Variants in TGM7 observed in about 807,000 individuals in gnomAD.
The protein encoded by TGM7 is transglutaminase 7, also known as protein-glutamine gamma-glutamyltransferase Z.
Under a neutral mutation model 79.5 loss-of-function variants are expected in TGM7, and 74 were observed. The ratio of observed to expected loss-of-function variants is 0.93; its 90% CI spans 0.77 to 1.13. The LOEUF is 1.13. Among genes scored for constraint, TGM7 ranks in the 50% most tolerant of loss-of-function variants. TGM7 has a pLI of 0.00. For synonymous variants in TGM7, 354 were observed against 362.5 expected, an observed-to-expected ratio of 0.98 and a Z score of 0.27; for missense variants, 912 against 905.9, an observed-to-expected ratio of 1.01 and a Z score of -0.09.
chr15:43,290,531 T>C (rs960025185), intron 4 of TGM7, among the ~76,000 whole-genome samples: 1 of 152,216 alleles, frequency 6.6e-6, no homozygotes, highest in Non-Finnish European at 1.5e-5. Context: ...TGGCTTAGGA[T>C]TGACTTGGCA....
At chr15:43,288,201 C>A (rs1057416091) in intron 4 of TGM7, among the ~76,000 whole-genome samples, 3 of 152,210 alleles carry the variant, frequency 2.0e-5, no homozygotes, top group Non-Finnish European at 4.4e-5. Flanking sequence ...AGGGTGGGCT[C>A]ATAATAGACG....
chr15:43,300,980 T>C (rs1339495916), intron 1 of TGM7, among the ~76,000 whole-genome samples: 4 of 152,108 alleles, frequency 2.6e-5, no homozygotes, highest in Non-Finnish European at 5.9e-5. Context: ...TATATCTCTA[T>C]TTTTATTTTG....
chr15:43,292,097 T>A lies in TGM7; in HGVS notation c.440A>T (p.Glu147Val), dbSNP rs181416302. 3.9e-5 allele frequency: 63 copies of A among 1,612,498 alleles called. 1 individual carries two copies. The Middle Eastern group carries it at 8.3e-4, about 21-fold the overall frequency. The change falls in exon 4 of 13, where the codon GAG becomes GTG. Residue 147 changes from glutamate to valine, a missense_variant and splice_region_variant. By Grantham distance (121) the Glu-to-Val change is moderately radical. Transcript: ENST00000452443. ...TTCACTTGGCAGGTAGACGTCGTCC[T>A]CTGAGCAGTTAAGAGTAGTGGAGGG... Reference protein sequence around the residue: ...FILLFNPWSPEDDVYLPSEIL... With the variant: ...FILLFNPWSPVDDVYLPSEIL...
chr15:43,298,981 C>T (rs2043013681), intron 1 of TGM7, among the ~76,000 whole-genome samples: 1 of 150,900 alleles, frequency 6.6e-6, no homozygotes, highest in African/African-American at 2.4e-5. Flanking sequence ...AAAGAGGGCA[C>T]CAATAGCAGC....
At chr15:43,282,710 T>G (rs1235788907) in intron 7 of TGM7, 90 bp from the exon 8 acceptor site, 1 of 1,033,352 alleles carries the variant, frequency 9.7e-7, no homozygotes, top group Non-Finnish European at 1.4e-6. Flanking sequence ...TATCATTGTT[T>G]CTTTTTCTTA....
intron 1 of TGM7, among the ~76,000 whole-genome samples, chr15:43,296,340 G>A (rs985281503): frequency 6.6e-6 from 1 of 151,410 alleles, no homozygotes; most frequent in Admixed American, 6.6e-5. Flanking sequence ...CAGGAGAATG[G>A]CGTGAACCCG....
intron 1 of TGM7, among the ~76,000 whole-genome samples, chr15:43,297,392 G>T (rs561929478): frequency 6.6e-6 from 1 of 151,918 alleles, no homozygotes; most frequent in South Asian, 2.1e-4. Context: ...GGCGGAGTTT[G>T]CAGTGAGCTG....
chr15:43,297,927 C>T (rs764449318), intron 1 of TGM7, among the ~76,000 whole-genome samples: 34 of 152,346 alleles, frequency 2.2e-4, no homozygotes, highest in African/African-American at 7.7e-4. Flanking sequence ...GAGACCTCAG[C>T]CATCTTCAAA....
intron 1 of TGM7, among the ~76,000 whole-genome samples, chr15:43,299,073 A>C (rs1307361201): frequency 6.6e-6 from 1 of 152,188 alleles, no homozygotes; most frequent in Non-Finnish European, 1.5e-5. Context: ...ACTAAAAATT[A>C]GTATGTACAA....
intron 4 of TGM7, among the ~76,000 whole-genome samples, chr15:43,290,029 A>G (rs1021336995): frequency 6.6e-6 from 1 of 152,060 alleles, no homozygotes; most frequent in African/African-American, 2.4e-5. Flanking sequence ...GCTTACTCTG[A>G]TGGTAGTTTC....
At chr15:43,302,060 T>C (rs2043027837) in intron 1 of TGM7, 181 bp downstream of exon 1, 1 of 692,202 alleles carries the variant, frequency 1.4e-6, no homozygotes, top group Non-Finnish European at 2.6e-6. Flanking sequence ...GGCTGTAGGA[T>C]TTGTGCCCCA....
At chr15:43,287,762 T>C in intron 4 of TGM7, 93 bp from the exon 5 acceptor site, 1 of 1,465,068 alleles carries the variant, frequency 6.8e-7, no homozygotes, top group Admixed American at 2.2e-5. Flanking sequence ...GGATGGCATG[T>C]ATATGGGGAT....
intron 1 of TGM7, among the ~76,000 whole-genome samples, chr15:43,296,682 G>A (rs913477028): frequency 3.9e-5 from 6 of 152,088 alleles, no homozygotes; most frequent in African/African-American, 1.4e-4. Flanking sequence ...ATAGTTCCTA[G>A]GGACAGCCAA....
chr15:43,284,902 C>A lies in TGM7; in HGVS notation c.916G>T (p.Ala306Ser), dbSNP rs746158461. Residue 306 changes from alanine (A) to serine (S), a missense_variant, in exon 7 of 13, where the codon GCG becomes TCG. Coordinates refer to ENST00000452443, the MANE Select transcript of TGM7 (RefSeq NM_052955.3). Reference sequence around the variant, plus strand: ...GTCAAGTTCCTATCCACGTTGTGCGCGGAACGGAAATTGGAAACAACACGG... The same window carrying A: ...GTCAAGTTCCTATCCACGTTGTGCGAGGAACGGAAATTGGAAACAACACGG... The part of the protein sequence containing the change: ...PTRVVSNFRS[A>S]HNVDRNLTID... The A allele has an allele frequency of 1.2e-6, 2 of 1,614,134 alleles. No individual in the cohort carries two copies. Among genetic ancestry groups the A allele is most frequent in the Admixed American group, 3.3e-5 (2 of 60,014 alleles).
intron 1 of TGM7, among the ~76,000 whole-genome samples, chr15:43,300,828 A>G (rs901234333): frequency 6.6e-6 from 1 of 152,194 alleles, no homozygotes; most frequent in African/African-American, 2.4e-5. Context: ...TATATATATA[A>G]CTGTTTTAGA....
rs375088175 is a variant in TGM7, at chr15:43,292,431, C to T, written c.439+278G>A. ...ACTCCCACTACTCAGAGACACCCACCGTTATGTTTTGGTGTATTCTAGCCA... is the reference window on the plus strand; with the variant it reads ...ACTCCCACTACTCAGAGACACCCACTGTTATGTTTTGGTGTATTCTAGCCA... On this transcript the variant is annotated intron_variant, in intron 3 of 12. Coordinates refer to ENST00000452443, the MANE Select transcript of TGM7 (RefSeq NM_052955.3). 1.7e-4 allele frequency among the ~76,000 whole-genome samples: 26 copies of T among 152,280 alleles called. No individual in the cohort carries two copies. In the East Asian group the frequency reaches 3.7e-3, roughly 21 times the overall value.
Position 43,292,057 on chromosome 15 carries a change from C to G in TGM7, c.480G>C (p.Glu160Asp). ...VYLPSEILLQ[E>D]YIMRDYGFVY... ...CAAAGCCATAATCTCGCATGATATA[C>G]TCCTGCAGCAGTATTTCACTTGGCA... Residue 160 changes from glutamate (E) to aspartate (D), a missense_variant, in exon 4 of 13, where the codon GAG (glutamate) becomes GAC (aspartate). Physicochemically the swap from Glu to Asp is conservative, Grantham distance 45. Transcript: ENST00000452443. 1 of 1,614,008 alleles carries G rather than the reference C, an allele frequency of 6.2e-7. No homozygotes were observed. Among genetic ancestry groups the G allele is most frequent in the Non-Finnish European group, 8.5e-7 (1 of 1,179,992 alleles).
At chr15:43,293,346 T>A in intron 2 of TGM7, 103 bp downstream of exon 2, 1 of 1,402,294 alleles carries the variant, frequency 7.1e-7, no homozygotes, top group Non-Finnish European at 9.6e-7. Flanking sequence ...GACAAGAAAG[T>A]GGAGGGCAGC....
chr15:43,281,616 T>G (rs894407202), intron 9 of TGM7, among the ~76,000 whole-genome samples: 4 of 152,242 alleles, frequency 2.6e-5, no homozygotes, highest in Non-Finnish European at 5.9e-5. Context: ...ATAAAATATT[T>G]GTTTATCTGG....
Sources: gnomAD v4.1 joint callset for allele counts (sites outside exome capture counted in the v4.1 genomes callset) on GRCh38, gnomAD v4.1.1 for gene constraint, MANE v1.5 for transcripts, NCBI Gene and HGNC (gene_info 2026-07-23, HGNC 2026-07-21) for gene names.